KCNMB2: variants seen among roughly 807,000 people sequenced by gnomAD.
KCNMB2 encodes calcium-activated potassium channel subunit beta-2.
A neutral mutation model predicts 24.5 loss-of-function variants in KCNMB2; 9 were observed. The ratio of observed to expected loss-of-function variants is 0.37; its 90% CI spans 0.22 to 0.64. The LOEUF is 0.64. KCNMB2 is among the 30% of genes least tolerant of loss of function. The pLI is 0.63. For synonymous variants in KCNMB2, 109 were observed against 104.4 expected, an observed-to-expected ratio of 1.04 and a Z score of -0.27; for missense variants, 226 against 284.3, an observed-to-expected ratio of 0.79 and a Z score of 1.47.
chr3:178,568,129 A>G (rs1013300106), intron 1 of KCNMB2, among the ~76,000 whole-genome samples: 2 of 152,214 alleles, frequency 1.3e-5, no homozygotes, highest in Non-Finnish European at 2.9e-5. Context: ...GAAAATTAAC[A>G]TATGGAAAGC....
At chr3:178,645,884 G>A (rs1719903350) in intron 1 of KCNMB2, among the ~76,000 whole-genome samples, 1 of 152,212 alleles carries the variant, frequency 6.6e-6, no homozygotes, top group African/African-American at 2.4e-5. Context: ...GGAATAAAAA[G>A]TATTAGGCAT....
At chr3:178,689,272 T>C (rs1367687134) in intron 1 of KCNMB2, among the ~76,000 whole-genome samples, 3 of 152,184 alleles carry the variant, frequency 2.0e-5, no homozygotes, top group Non-Finnish European at 4.4e-5. Context: ...TTTTATCTCA[T>C]TTTATGGAAC....
chr3:178,768,946 A>G (rs369632005), intron 1 of KCNMB2, among the ~76,000 whole-genome samples: 1 of 142,554 alleles, frequency 7.0e-6, no homozygotes. Context: ...ATAATGTACC[A>G]ACATTGCACG....
chr3:178,723,475 A>G (rs1276788195), intron 1 of KCNMB2, among the ~76,000 whole-genome samples: 1 of 152,148 alleles, frequency 6.6e-6, no homozygotes, highest in Non-Finnish European at 1.5e-5. Context: ...ATTTTCCCCA[A>G]TATCTTTCCT....
intron 1 of KCNMB2, among the ~76,000 whole-genome samples, chr3:178,538,211 C>T (rs1440170643): frequency 6.6e-6 from 1 of 152,118 alleles, no homozygotes; most frequent in Non-Finnish European, 1.5e-5. Context: ...CTGAACCAGC[C>T]GAACTCTCTT....
At chr3:178,643,933 G>A (rs539643624) in intron 1 of KCNMB2, among the ~76,000 whole-genome samples, 1 of 152,310 alleles carries the variant, frequency 6.6e-6, no homozygotes, top group South Asian at 2.1e-4. Flanking sequence ...AGGATATAGA[G>A]GCATATGCCA....
At chr3:178,745,714 G>T (rs1176561424) in intron 1 of KCNMB2, among the ~76,000 whole-genome samples, 1 of 152,226 alleles carries the variant, frequency 6.6e-6, no homozygotes, top group Non-Finnish European at 1.5e-5. Context: ...GTACAGCATT[G>T]GGTAAATACA....
At chr3:178,580,258 C>G (rs1386913449) in intron 1 of KCNMB2, among the ~76,000 whole-genome samples, 1 of 152,120 alleles carries the variant, frequency 6.6e-6, no homozygotes, top group Non-Finnish European at 1.5e-5. Context: ...ATAACCAGAA[C>G]CAATGACAGA....
At chr3:178,635,035 T>G (rs1214488494) in intron 1 of KCNMB2, among the ~76,000 whole-genome samples, 1 of 152,054 alleles carries the variant, frequency 6.6e-6, no homozygotes, top group Non-Finnish European at 1.5e-5. Flanking sequence ...GGAAGGGAAT[T>G]GAATTCTGTT....
chr3:178,592,232 TC>T (rs1300633564), intron 1 of KCNMB2, among the ~76,000 whole-genome samples: 2 of 152,162 alleles, frequency 1.3e-5, no homozygotes, highest in Admixed American at 1.3e-4. Context: ...GTGTGATCTC[TC>T]ACCCTTAGCC....
Position 178,676,236 on chromosome 3 carries a change from A to G in KCNMB2, c.-67-131107A>G, listed in dbSNP as rs541598673. ...ACCCAGGGCATAAGTCCAGTCTCAG[A>G]GCCTGGACGCACACCAGAGCATGAG... On this transcript the variant is annotated intron_variant, in intron 1 of 4. Transcript: ENST00000452583. Among the ~76,000 whole-genome samples, 3 of 152,306 alleles carry G rather than the reference A, an allele frequency of 2.0e-5. No homozygotes were observed. In the East Asian group the frequency reaches 5.8e-4, roughly 29 times the overall value.
chr3:178,681,056 AG>A (rs1310642120), intron 1 of KCNMB2, among the ~76,000 whole-genome samples: 2 of 152,208 alleles, frequency 1.3e-5, no homozygotes, highest in Non-Finnish European at 2.9e-5. Context: ...AGAGCTTGCT[AG>A]AGCAGTGATT....
chr3:178,607,216 A>G (rs909037540), intron 1 of KCNMB2, among the ~76,000 whole-genome samples: 1 of 152,198 alleles, frequency 6.6e-6, no homozygotes, highest in Non-Finnish European at 1.5e-5. Context: ...GGTGTAAAAA[A>G]CATCGGGGCA....
chr3:178,819,452 C>T (rs906662320), intron 2 of KCNMB2, among the ~76,000 whole-genome samples: 1 of 152,074 alleles, frequency 6.6e-6, no homozygotes, highest in Non-Finnish European at 1.5e-5. Context: ...TCTGTCTTTC[C>T]ATCTCTTGTC....
At chr3:178,782,746 G>A (rs1233070429) in intron 1 of KCNMB2, among the ~76,000 whole-genome samples, 18 of 151,376 alleles carry the variant, frequency 1.2e-4, no homozygotes, top group African/African-American at 3.9e-4. Flanking sequence ...TAGTTTGCCT[G>A]TTCACTCTGA....
intron 1 of KCNMB2, among the ~76,000 whole-genome samples, chr3:178,685,569 T>C (rs552977451): frequency 6.6e-6 from 1 of 152,362 alleles, no homozygotes; most frequent in South Asian, 2.1e-4. Context: ...TCTGTTTTTA[T>C]ATTTAGGAAT....
At chr3:178,657,444 T>C (rs1299219808) in intron 1 of KCNMB2, among the ~76,000 whole-genome samples, 1 of 152,226 alleles carries the variant, frequency 6.6e-6, no homozygotes, top group Admixed American at 6.5e-5. Flanking sequence ...GTTCAAGCTA[T>C]GCCATCTCTC....
intron 1 of KCNMB2, among the ~76,000 whole-genome samples, chr3:178,634,977 A>G (rs1719463632): frequency 6.6e-6 from 1 of 151,848 alleles, no homozygotes; most frequent in Admixed American, 6.6e-5. Context: ...GGGGAGGAAA[A>G]TTTTCCCCTT....
intron 1 of KCNMB2, among the ~76,000 whole-genome samples, chr3:178,720,167 TC>T (rs1722750646): frequency 6.6e-6 from 1 of 152,086 alleles, no homozygotes; most frequent in East Asian, 1.9e-4. Flanking sequence ...AGTGTGATGT[TC>T]CCCTTCCTGT....
Sources: gnomAD v4.1 joint callset for allele counts (sites outside exome capture counted in the v4.1 genomes callset) on GRCh38, gnomAD v4.1.1 for gene constraint, MANE v1.5 for transcripts, NCBI Gene and HGNC (gene_info 2026-07-23, HGNC 2026-07-21) for gene names.